SRGAP1: variants seen among roughly 807,000 people sequenced by gnomAD.
The protein encoded by SRGAP1 is SLIT-ROBO Rho GTPase-activating protein 1.
A neutral mutation model predicts 121.9 loss-of-function variants in SRGAP1; 43 were observed. The observed-to-expected ratio is 0.35, with a 90% CI of 0.28 to 0.46. The LOEUF (loss-of-function observed/expected upper bound fraction) is 0.46. Among genes scored for constraint, SRGAP1 ranks in the 20% least tolerant of loss-of-function variants. The probability of loss-of-function intolerance (pLI) is 1.00; values close to 1 mark genes in which losing one functional copy is unlikely to be tolerated. For missense variants in SRGAP1, 1,102 were observed against 1,350.9 expected, an observed-to-expected ratio of 0.82 and a Z score of 2.89; for synonymous variants, 447 against 485.4, an observed-to-expected ratio of 0.92 and a Z score of 1.04.
In SRGAP1 at chr12:64,018,044, A is replaced by T. The variant is rs531878978; in HGVS notation, c.489+1032A>T. ...AAATAACAACAAATGAGTAATATTA[A>T]TTTATATTAATGAAAGATATTTGGA... is the stretch of plus-strand genomic sequence containing the variant. On this transcript the variant is annotated intron_variant, in intron 4 of 21. Transcript: ENST00000355086. Among the ~76,000 whole-genome samples, 287 of 152,176 alleles carry T rather than the reference A, an allele frequency of 1.9e-3. 2 individuals are homozygous for T. Among genetic ancestry groups the T allele is most frequent in the African/African-American group, 6.4e-3 (265 of 41,546 alleles).
At chr12:63,948,756 T>G (rs960958040) in intron 1 of SRGAP1, among the ~76,000 whole-genome samples, 37 of 148,908 alleles carry the variant, frequency 2.5e-4, no homozygotes, top group African/African-American at 8.8e-4. Flanking sequence ...TCCATATATA[T>G]ATTTTCCATG....
chr12:63,846,680 C>T (rs560282263), intron 1 of SRGAP1, among the ~76,000 whole-genome samples: 1 of 152,250 alleles, frequency 6.6e-6, no homozygotes, highest in South Asian at 2.1e-4. Context: ...TTCCACACAC[C>T]CACGAGTCCC....
At chr12:64,129,109 A>T (rs537384419) in intron 21 of SRGAP1, among the ~76,000 whole-genome samples, 53 of 147,996 alleles carry the variant, frequency 3.6e-4, no homozygotes, top group African/African-American at 1.2e-3. Flanking sequence ...AAAAAAAAAA[A>T]TTTTTTTTTA....
At chr12:64,103,047 G>A (rs558109529) in intron 15 of SRGAP1, among the ~76,000 whole-genome samples, 182 of 152,166 alleles carry the variant, frequency 1.2e-3, no homozygotes, top group African/African-American at 4.0e-3. Flanking sequence ...TTGCAGTGGC[G>A]TGATCACAGC....
chr12:63,905,173 T>G (rs556042180), intron 1 of SRGAP1, among the ~76,000 whole-genome samples: 2 of 152,320 alleles, frequency 1.3e-5, no homozygotes, highest in South Asian at 4.1e-4. Flanking sequence ...GGGTTTTATC[T>G]TAAGTGGCAA....
chr12:63,879,664 A>G (rs1900131679), intron 1 of SRGAP1, among the ~76,000 whole-genome samples: 1 of 152,140 alleles, frequency 6.6e-6, no homozygotes, highest in Admixed American at 6.5e-5. Context: ...GGGGGAAGCA[A>G]GTTCATGGCG....
rs1367643042 is a variant in SRGAP1, at chr12:64,151,218, A to C, written c.*8546A>C. 6.6e-6 allele frequency: 1 copy of C among 152,094 alleles called. No individual in the cohort carries two copies. Among genetic ancestry groups the C allele is most frequent in the African/African-American group, 2.4e-5 (1 of 41,426 alleles). 9.4% of individuals were successfully genotyped at this position (152,094 alleles called of 1,614,324 possible). Reference sequence around the variant, plus strand: ...TAGTATATTGTCTTCTAATCCTTACATTATGTTATTTTTAAGCAGAGTCAA... The same window carrying C: ...TAGTATATTGTCTTCTAATCCTTACCTTATGTTATTTTTAAGCAGAGTCAA... On this transcript the variant is annotated 3_prime_UTR_variant, in exon 22 of 22. Transcript: ENST00000355086.
rs78457782 is a variant in SRGAP1 at position 63,878,342 on chromosome 12, A to G, written c.67+33459A>G. ...ACTAGTGGTAGACAATATGGAAATG[A>G]ATGGGCATGGCTGTATTCTAATAAA... is the stretch of plus-strand genomic sequence containing the variant. On this transcript the variant is annotated intron_variant, in intron 1 of 21. Coordinates refer to ENST00000355086, the MANE Select transcript of SRGAP1 (RefSeq NM_020762.4). Among the ~76,000 whole-genome samples the G allele has an allele frequency of 3.5e-3, 532 of 152,314 alleles. 6 individuals carry two copies. In the East Asian group the frequency reaches 0.046, roughly 13 times the overall value.
chr12:64,064,714 G>A (rs1428332068), intron 7 of SRGAP1, among the ~76,000 whole-genome samples: 1 of 152,144 alleles, frequency 6.6e-6, no homozygotes, highest in African/African-American at 2.4e-5. Context: ...TGACGGACTC[G>A]AGAGCTCAGA....
At chr12:63,986,997 A>G (rs1192665634) in intron 2 of SRGAP1, among the ~76,000 whole-genome samples, 1 of 152,226 alleles carries the variant, frequency 6.6e-6, no homozygotes, top group Non-Finnish European at 1.5e-5. Context: ...AGTCAGCCAG[A>G]CTTGGGTTTG....
chr12:63,935,967 G>C (rs1223206307), intron 1 of SRGAP1, among the ~76,000 whole-genome samples: 1 of 151,954 alleles, frequency 6.6e-6, no homozygotes, highest in Non-Finnish European at 1.5e-5. Flanking sequence ...GTCACAAACA[G>C]AAAAAAGGGA....
intron 1 of SRGAP1, among the ~76,000 whole-genome samples, chr12:63,860,602 C>T (rs927487349): frequency 4.6e-5 from 7 of 152,098 alleles, no homozygotes; most frequent in East Asian, 3.8e-4. Flanking sequence ...ATCCTTTTAT[C>T]GTCTTAATCT....
chr12:63,900,162 G>A (rs916818393), intron 1 of SRGAP1, among the ~76,000 whole-genome samples: 27 of 148,654 alleles, frequency 1.8e-4, no homozygotes, highest in Non-Finnish European at 5.9e-5. Context: ...AATGCCTTAT[G>A]TCTCCGTTTG....
chr12:64,129,066 C>G (rs2036743886), intron 21 of SRGAP1, among the ~76,000 whole-genome samples: 1 of 151,396 alleles, frequency 6.6e-6, no homozygotes, highest in Non-Finnish European at 1.5e-5. Flanking sequence ...GAGTTTGAGA[C>G]AAGCCTGGTC....
chr12:64,106,098 G>C (rs941913914), intron 15 of SRGAP1, among the ~76,000 whole-genome samples: 3 of 152,058 alleles, frequency 2.0e-5, no homozygotes, highest in Non-Finnish European at 2.9e-5. Context: ...TAGCTCACTG[G>C]AGCTTCGAAC....
intron 1 of SRGAP1, among the ~76,000 whole-genome samples, chr12:63,920,070 A>G (rs1592946803): frequency 1.3e-5 from 2 of 152,364 alleles, no homozygotes; most frequent in East Asian, 3.9e-4. Context: ...TTCACATGAT[A>G]CGACTGCATT....
chr12:64,007,755 C>T (rs1398284610), intron 3 of SRGAP1, among the ~76,000 whole-genome samples: 1 of 152,188 alleles, frequency 6.6e-6, no homozygotes. Flanking sequence ...GAAAGACCTT[C>T]TAACAGTCTG....
intron 1 of SRGAP1, among the ~76,000 whole-genome samples, chr12:63,931,934 G>T (rs1370259409): frequency 1.3e-5 from 2 of 152,148 alleles, no homozygotes; most frequent in South Asian, 2.1e-4. Context: ...ACGATGTAGG[G>T]TTAGGCCTAA....
intron 15 of SRGAP1, 27 bp from the exon 16 acceptor site, chr12:64,108,905 T>C: frequency 6.4e-7 from 1 of 1,554,678 alleles, no homozygotes; most frequent in Non-Finnish European, 8.8e-7. Context: ...GTGAAAGGAC[T>C]CTGACCATGT....
Sources: allele counts gnomAD v4.1 joint callset (sites outside exome capture counted in the v4.1 genomes callset), GRCh38; gene constraint gnomAD v4.1.1; transcripts MANE v1.5; gene names NCBI Gene and HGNC (gene_info 2026-07-23, HGNC 2026-07-21).